PEBP4: variants seen among roughly 807,000 people sequenced by gnomAD.
The protein encoded by PEBP4 is phosphatidylethanolamine-binding protein 4.
Under a neutral mutation model 23.9 loss-of-function variants are expected in PEBP4, and 22 were observed. That is an observed-to-expected ratio of 0.92 (90% CI 0.66 to 1.31). PEBP4 has a LOEUF of 1.31. Ranked by LOEUF, PEBP4 falls within the 40% of genes most tolerant of loss-of-function variation. PEBP4 has a pLI of 0.00. For synonymous variants in PEBP4, 112 were observed against 99.3 expected, an observed-to-expected ratio of 1.13 and a Z score of -0.76; for missense variants, 324 against 281.7, an observed-to-expected ratio of 1.15 and a Z score of -1.07.
chr8:22,911,601 G>A (rs1179402625), intron 3 of PEBP4, among the ~76,000 whole-genome samples: 2 of 152,168 alleles, frequency 1.3e-5, no homozygotes, highest in South Asian at 2.1e-4. Context: ...TTTCACCAGT[G>A]AGAGCAGGCA....
intron 3 of PEBP4, among the ~76,000 whole-genome samples, chr8:22,898,659 G>C (rs1808646478): frequency 1.3e-5 from 2 of 152,198 alleles, no homozygotes; most frequent in Admixed American, 1.3e-4. Context: ...GAAAGCTAGA[G>C]GTGGCCCCTT....
chr8:22,734,703 A>C (rs952004978), intron 4 of PEBP4, among the ~76,000 whole-genome samples: 1 of 152,154 alleles, frequency 6.6e-6, no homozygotes, highest in African/African-American at 2.4e-5. Flanking sequence ...GCACTATTGA[A>C]AGGAGGCTAG....
At chr8:22,920,134 A>T in intron 3 of PEBP4, 50 bp downstream of exon 3, 1 of 1,583,582 alleles carries the variant, frequency 6.3e-7, no homozygotes, top group African/African-American at 1.3e-5. Flanking sequence ...CTGGAGGAAC[A>T]TCAAGACCCC....
intron 6 of PEBP4, among the ~76,000 whole-genome samples, chr8:22,722,402 C>T (rs1804536509): frequency 6.6e-6 from 1 of 152,130 alleles, no homozygotes; most frequent in African/African-American, 2.4e-5. Context: ...AGTGAAACTA[C>T]TAACTAGAGA....
At chr8:22,785,254 G>A (rs535099450) in intron 4 of PEBP4, among the ~76,000 whole-genome samples, 45 of 152,318 alleles carry the variant, frequency 3.0e-4, no homozygotes, top group African/African-American at 9.4e-4. Flanking sequence ...GAAAAAAGCC[G>A]TTGGCCCTCA....
At chr8:22,738,507 T>C (rs34520695) in intron 4 of PEBP4, among the ~76,000 whole-genome samples, 4 of 152,060 alleles carry the variant, frequency 2.6e-5, no homozygotes, top group Non-Finnish European at 5.9e-5. Context: ...TTTCCAGAAC[T>C]GGTGGGAATG....
chr8:22,889,790 T>C (rs989031089), intron 3 of PEBP4, among the ~76,000 whole-genome samples: 2 of 152,216 alleles, frequency 1.3e-5, no homozygotes, highest in African/African-American at 4.8e-5. Context: ...CCAACACTGG[T>C]AATAAAGCAG....
upstream of PEBP4, among the ~76,000 whole-genome samples, chr8:22,932,584 G>A (rs898228117): frequency 6.6e-6 from 1 of 152,078 alleles, no homozygotes; most frequent in Non-Finnish European, 1.5e-5. Flanking sequence ...CTTTATAGAA[G>A]CTCTGGAAAA....
At chr8:22,847,700 C>T (rs570579709) in intron 3 of PEBP4, among the ~76,000 whole-genome samples, 72 of 152,272 alleles carry the variant, frequency 4.7e-4, no homozygotes, top group Admixed American at 1.3e-3. Context: ...TGTCCCCTTC[C>T]CTACAAAGAT....
intron 3 of PEBP4, among the ~76,000 whole-genome samples, chr8:22,852,414 C>A (rs1807568829): frequency 6.6e-6 from 1 of 152,138 alleles, no homozygotes; most frequent in African/African-American, 2.4e-5. Flanking sequence ...TCTTCAACGA[C>A]CATCCCAAGA....
At position 22,909,791 on chromosome 8, in the gene PEBP4, G is replaced by A. The variant is rs75271065; in HGVS notation, c.258+10393C>T. Among the ~76,000 whole-genome samples the A allele has an allele frequency of 4.6e-5, 7 of 152,202 alleles. No homozygotes were observed. In the South Asian group the frequency reaches 1.5e-3, roughly 32 times the overall value. On this transcript the variant is annotated intron_variant, in intron 3 of 6. Coordinates refer to ENST00000256404, the MANE Select transcript of PEBP4 (RefSeq NM_144962.3). ...TCAGTTTCCTCATCTGTGAAATGAG[G>A]GCACTCATGCCTTCTGTGCTGGGTG...
intron 3 of PEBP4, among the ~76,000 whole-genome samples, chr8:22,905,727 C>T (rs956077361): frequency 1.1e-4 from 17 of 152,226 alleles, no homozygotes; most frequent in Non-Finnish European, 2.4e-4. Context: ...GACCTGCCTG[C>T]TGCTCCCACC....
chr8:22,935,462 G>T (rs1809524464), intron 1 of PEBP4, among the ~76,000 whole-genome samples: 1 of 152,182 alleles, frequency 6.6e-6, no homozygotes, highest in Non-Finnish European at 1.5e-5. Context: ...GGAGGCAGAG[G>T]TTGCAGTGAG....
intron 3 of PEBP4, among the ~76,000 whole-genome samples, chr8:22,899,783 T>A (rs931516657): frequency 4.6e-5 from 7 of 152,170 alleles, no homozygotes; most frequent in African/African-American, 1.7e-4. Flanking sequence ...TGCTTTTCAT[T>A]TTTCAAAGAG....
upstream of PEBP4, among the ~76,000 whole-genome samples, chr8:22,928,712 C>G (rs1809405466): frequency 6.6e-6 from 1 of 152,184 alleles, no homozygotes; most frequent in Non-Finnish European, 1.5e-5. Flanking sequence ...ACTCAGGACT[C>G]CTGGCTTCTG....
At chr8:22,898,303 A>T (rs1165190236) in intron 3 of PEBP4, among the ~76,000 whole-genome samples, 1 of 144,246 alleles carries the variant, frequency 6.9e-6, no homozygotes, top group Non-Finnish European at 1.5e-5. Flanking sequence ...GAGGTGGGAG[A>T]GTTGCTTGGA....
chr8:22,733,505 C>T (rs1804782867), intron 4 of PEBP4, among the ~76,000 whole-genome samples: 1 of 151,862 alleles, frequency 6.6e-6, no homozygotes, highest in Admixed American at 6.6e-5. Context: ...ACTGCTGGTC[C>T]CAGCAGGGAT....
At chr8:22,879,110 G>A (rs1808189184) in intron 3 of PEBP4, among the ~76,000 whole-genome samples, 1 of 152,190 alleles carries the variant, frequency 6.6e-6, no homozygotes, top group Admixed American at 6.5e-5. Context: ...ACAGTGAATA[G>A]ATCTCAGCTA....
At chr8:22,804,639 G>A (rs1806457754) in intron 4 of PEBP4, among the ~76,000 whole-genome samples, 2 of 151,956 alleles carry the variant, frequency 1.3e-5, no homozygotes, top group Non-Finnish European at 2.9e-5. Context: ...GAACAGCAAC[G>A]CCCCATTTCC....
Sources: gnomAD v4.1 joint callset for allele counts (sites outside exome capture counted in the v4.1 genomes callset) on GRCh38, gnomAD v4.1.1 for gene constraint, MANE v1.5 for transcripts, NCBI Gene and HGNC (gene_info 2026-07-23, HGNC 2026-07-21) for gene names.